GRID2: variants seen among roughly 807,000 people sequenced by gnomAD.
GRID2 encodes glutamate receptor ionotropic, delta-2.
GRID2 carries 33 observed loss-of-function variants against 114.8 expected under a neutral mutation model. The observed-to-expected ratio is 0.29, with a 90% CI of 0.22 to 0.38. GRID2 has a LOEUF of 0.38. GRID2 is among the 10% of genes least tolerant of loss of function. The probability of loss-of-function intolerance (pLI) is 1.00; values close to 1 mark genes in which losing one functional copy is unlikely to be tolerated. For synonymous variants in GRID2, 505 were observed against 449.9 expected (o/e 1.12, Z -1.55); for missense variants, 1,184 against 1,257.7 (o/e 0.94, Z 0.89).
At chr4:93,709,621 C>T (rs1450897407) in intron 14 of GRID2, among the ~76,000 whole-genome samples, 1 of 152,100 alleles carries the variant, frequency 6.6e-6, no homozygotes, top group African/African-American at 2.4e-5. Flanking sequence ...TTGATATCTT[C>T]CTCTAGGTTT....
intron 1 of GRID2, among the ~76,000 whole-genome samples, chr4:92,472,870 G>A (rs1029174425): frequency 1.3e-4 from 19 of 151,920 alleles, no homozygotes; most frequent in Non-Finnish European, 2.9e-5. Context: ...ACCCATTTGT[G>A]GCTGACCTTA....
Position 93,170,768 on chromosome 4 carries a change from C to T in GRID2, c.736-36636C>T, listed in dbSNP as rs549726790. Among the ~76,000 whole-genome samples the T allele has an allele frequency of 2.4e-4, 37 of 152,162 alleles. 1 individual carries two copies. The highest frequency in any genetic ancestry group is 5.0e-4 in the Non-Finnish European group (34 of 68,012). On this transcript the variant is annotated intron_variant, in intron 4 of 15. Coordinates refer to ENST00000282020, the MANE Select transcript of GRID2 (RefSeq NM_001510.4). ...GTCTTACATACCCGACTGCCTATTG[C>T]GCACATCCACTTAGATGTCAAATAG...
intron 14 of GRID2, among the ~76,000 whole-genome samples, chr4:93,714,474 T>C (rs1368678583): frequency 6.6e-6 from 1 of 152,186 alleles, no homozygotes; most frequent in Non-Finnish European, 1.5e-5. Context: ...GATTGCTGGG[T>C]CAAATGGTAT....
intron 4 of GRID2, among the ~76,000 whole-genome samples, chr4:93,163,373 T>TAC (rs1737896445): frequency 2.5e-5 from 2 of 79,630 alleles, no homozygotes; most frequent in African/African-American, 1.0e-4. Flanking sequence ...TATATATATA[T>TAC]ATATATATAT....
chr4:93,023,484 A>C (rs1723590437), intron 2 of GRID2, among the ~76,000 whole-genome samples: 1 of 151,930 alleles, frequency 6.6e-6, no homozygotes, highest in African/African-American at 2.4e-5. Context: ...TCTGTAAAAC[A>C]CTTTTTGACA....
Position 93,150,865 on chromosome 4 carries a change from G to A in GRID2, c.735+39912G>A, listed in dbSNP as rs193097608. ...TCAGAGGTCGGGCGCGGTGGCTCTC[G>A]CCTGTAATCCCAGCACTTTAGGAGG... On this transcript the variant is annotated intron_variant, in intron 4 of 15. Coordinates refer to ENST00000282020, the MANE Select transcript of GRID2 (RefSeq NM_001510.4). 4.8e-3 allele frequency among the ~76,000 whole-genome samples: 734 copies of A among 152,000 alleles called. 2 individuals carry two copies. The highest frequency in any genetic ancestry group is 0.02 in the South Asian group (97 of 4,810).
chr4:93,395,690 A>G lies in GRID2; in HGVS notation c.1329A>G (p.Leu443=), dbSNP rs2149330226. 6.6e-7 allele frequency: 1 copy of G among 1,504,658 alleles called. No homozygotes were observed. Among genetic ancestry groups the G allele is most frequent in the Non-Finnish European group, 9.3e-7 (1 of 1,081,066 alleles). The allele number at this position is 1,504,658 out of a possible 1,614,324, so 93.2% of individuals were successfully genotyped here. A position where few individuals can be genotyped will look rare whatever the true frequency, so the allele number is the denominator to read the frequency against. ...AGAATAACATGCGTGGAGTGGTTCT[A>G]CGTGTAGTAACTGTTCTGGTAAGTA... is the stretch of plus-strand genomic sequence containing the variant. ...KLENNMRGVV[L]RVVTVLEEPF... Residue 443 remains leucine (L), a synonymous_variant, in exon 9 of 16, where the codon CTA becomes CTG. Transcript: ENST00000282020.
intron 2 of GRID2, among the ~76,000 whole-genome samples, chr4:92,949,428 A>G (rs1422783834): frequency 6.6e-6 from 1 of 152,014 alleles, no homozygotes; most frequent in Admixed American, 6.6e-5. Flanking sequence ...ATCGTTTAAC[A>G]TTAGGCATAT....
At chr4:92,756,303 A>G (rs999985556) in intron 2 of GRID2, among the ~76,000 whole-genome samples, 5 of 152,080 alleles carry the variant, frequency 3.3e-5, no homozygotes, top group African/African-American at 4.8e-5. Flanking sequence ...ATAGTATTTC[A>G]TTGTGTATAC....
intron 4 of GRID2, among the ~76,000 whole-genome samples, chr4:93,202,905 G>A (rs1162017555): frequency 3.3e-5 from 5 of 151,958 alleles, no homozygotes; most frequent in Admixed American, 3.3e-4. Flanking sequence ...ACTTTGAAGT[G>A]ATATGCATAT....
chr4:93,241,870 T>A (rs983042740), intron 8 of GRID2, among the ~76,000 whole-genome samples: 1 of 151,090 alleles, frequency 6.6e-6, no homozygotes, highest in Non-Finnish European at 1.5e-5. Flanking sequence ...TTGGGAGAGA[T>A]TTTTTACAAT....
At chr4:92,941,149 G>A (rs1038497328) in intron 2 of GRID2, among the ~76,000 whole-genome samples, 1 of 152,184 alleles carries the variant, frequency 6.6e-6, no homozygotes, top group East Asian at 1.9e-4. Context: ...AATGGTACCA[G>A]CTCCTCCTTG....
At chr4:93,760,554 C>A (rs1247124899) in intron 14 of GRID2, among the ~76,000 whole-genome samples, 2 of 152,128 alleles carry the variant, frequency 1.3e-5, no homozygotes, top group Admixed American at 6.5e-5. Flanking sequence ...TGTATTCAGC[C>A]CTGCAGTGGG....
intron 2 of GRID2, among the ~76,000 whole-genome samples, chr4:92,895,745 A>T (rs1374253430): frequency 6.6e-6 from 1 of 152,124 alleles, no homozygotes; most frequent in Non-Finnish European, 1.5e-5. Flanking sequence ...CACTTTATAT[A>T]AATTTCCTGT....
chr4:93,229,309 C>G (rs1407587589), intron 7 of GRID2, among the ~76,000 whole-genome samples: 2 of 152,140 alleles, frequency 1.3e-5, no homozygotes, highest in Non-Finnish European at 2.9e-5. Flanking sequence ...TGGCCCCAGA[C>G]AGATTCAGGC....
At position 92,530,525 on chromosome 4, in the gene GRID2, AG is replaced by A. The variant is rs1242032293; in HGVS notation, c.89-59605del. On this transcript the variant is annotated intron_variant, in intron 1 of 15. Transcript: ENST00000282020. Reference sequence around the variant, plus strand: ...CTAGTACAGAAAAAAAAAAAAAAAAAGAGAGACTTCCGAGACACGAGAATCA... The same window carrying A: ...CTAGTACAGAAAAAAAAAAAAAAAAAAGAGACTTCCGAGACACGAGAATCA... Among the ~76,000 whole-genome samples the A allele has an allele frequency of 1.6e-3, 235 of 147,998 alleles. 3 individuals carry two copies. The highest frequency in any genetic ancestry group is 0.011 in the Admixed American group (164 of 14,768).
At chr4:92,804,910 T>A (rs1447951763) in intron 2 of GRID2, among the ~76,000 whole-genome samples, 1 of 152,014 alleles carries the variant, frequency 6.6e-6, no homozygotes, top group Non-Finnish European at 1.5e-5. Context: ...GATGAAAAAT[T>A]GATGGGAATG....
chr4:93,192,527 A>G (rs1217438448), intron 4 of GRID2, among the ~76,000 whole-genome samples: 1 of 152,082 alleles, frequency 6.6e-6, no homozygotes, highest in African/African-American at 2.4e-5. Context: ...AGATTACCTA[A>G]GGTCAGGAGT....
intron 2 of GRID2, among the ~76,000 whole-genome samples, chr4:93,083,091 T>C (rs1263449765): frequency 6.6e-6 from 1 of 152,158 alleles, no homozygotes; most frequent in Non-Finnish European, 1.5e-5. Context: ...CTTAATTTCC[T>C]GTAATTAGTG....
Sources: allele counts gnomAD v4.1 joint callset (sites outside exome capture counted in the v4.1 genomes callset), GRCh38; gene constraint gnomAD v4.1.1; transcripts MANE v1.5; gene names NCBI Gene and HGNC (gene_info 2026-07-23, HGNC 2026-07-21).